The following BMPER variants were observed in gnomAD, a reference collection of about 807,000 sequenced individuals.
BMPER encodes the protein BMP-binding endothelial regulator protein.
BMPER carries 45 observed loss-of-function variants against 87.3 expected under a neutral mutation model. The ratio of observed to expected loss-of-function variants is 0.52; its 90% CI spans 0.41 to 0.66. BMPER has a LOEUF of 0.66. Among genes scored for constraint, BMPER ranks in the 30% least tolerant of loss-of-function variants. The pLI is 0.00. For synonymous variants in BMPER, 326 were observed against 316.2 expected (o/e 1.03, Z -0.33); for missense variants, 784 against 867.5 (o/e 0.90, Z 1.21).
intron 3 of BMPER, among the ~76,000 whole-genome samples, chr7:33,948,708 C>G (rs1239248060): frequency 6.6e-6 from 1 of 152,200 alleles, no homozygotes; most frequent in Non-Finnish European, 1.5e-5. Flanking sequence ...TCCTCTTTGC[C>G]TTCCGCCATG....
chr7:34,069,500 G>A (rs1788683455), intron 11 of BMPER, among the ~76,000 whole-genome samples: 1 of 152,156 alleles, frequency 6.6e-6, no homozygotes, highest in South Asian at 2.1e-4. Flanking sequence ...TCCTTACCAT[G>A]TTCCTATGAA....
chr7:33,947,015 T>C (rs889450370), intron 3 of BMPER, among the ~76,000 whole-genome samples: 4 of 152,234 alleles, frequency 2.6e-5, no homozygotes, highest in African/African-American at 7.2e-5. Flanking sequence ...TTATAACTAA[T>C]TTCTCTAAGG....
At chr7:34,091,531 G>A (rs541870739) in intron 13 of BMPER, among the ~76,000 whole-genome samples, 2 of 152,172 alleles carry the variant, frequency 1.3e-5, no homozygotes, top group Admixed American at 6.5e-5. Context: ...AGTAGACACC[G>A]CAGTTGTAGC....
At chr7:34,100,872 G>A (rs1434128217) in intron 13 of BMPER, among the ~76,000 whole-genome samples, 3 of 152,134 alleles carry the variant, frequency 2.0e-5, no homozygotes, top group African/African-American at 7.2e-5. Flanking sequence ...CACATGCTCA[G>A]ACATGTCCAC....
intron 6 of BMPER, among the ~76,000 whole-genome samples, chr7:34,028,993 G>A (rs772957753): frequency 9.2e-5 from 14 of 152,134 alleles, no homozygotes; most frequent in Non-Finnish European, 1.8e-4. Flanking sequence ...TTATGATGAA[G>A]AATATTGTCA....
chr7:34,053,159 G>C (rs1007016251), intron 8 of BMPER, among the ~76,000 whole-genome samples: 1 of 152,182 alleles, frequency 6.6e-6, no homozygotes, highest in African/African-American at 2.4e-5. Flanking sequence ...CTTGAGAGAT[G>C]ATTAGGTAAT....
At chr7:34,016,514 T>G (rs1787031155) in intron 6 of BMPER, among the ~76,000 whole-genome samples, 1 of 152,028 alleles carries the variant, frequency 6.6e-6, no homozygotes, top group Non-Finnish European at 1.5e-5. Context: ...TGGCACTTTT[T>G]CAACTCTTTA....
chr7:34,017,692 A>T (rs917541128), intron 6 of BMPER, among the ~76,000 whole-genome samples: 1 of 151,864 alleles, frequency 6.6e-6, no homozygotes, highest in African/African-American at 2.4e-5. Context: ...CACACACATT[A>T]CTGAGCCTTC....
At chr7:34,035,472 G>A (rs894284430) in intron 6 of BMPER, among the ~76,000 whole-genome samples, 4 of 152,060 alleles carry the variant, frequency 2.6e-5, no homozygotes, top group Admixed American at 1.3e-4. Context: ...TTATTTTTCC[G>A]TAGTGTGCTC....
chr7:33,956,959 G>T (rs376201521), intron 3 of BMPER, among the ~76,000 whole-genome samples: 1 of 152,124 alleles, frequency 6.6e-6, no homozygotes, highest in Non-Finnish European at 1.5e-5. Context: ...TGGCAAAGAC[G>T]TGGAAAATCT....
At chr7:33,994,784 A>G (rs1786356033) in intron 6 of BMPER, among the ~76,000 whole-genome samples, 1 of 151,998 alleles carries the variant, frequency 6.6e-6, no homozygotes, top group South Asian at 2.1e-4. Context: ...GTCCTGTCCT[A>G]CCTCTACCAT....
At chr7:33,973,205 G>A (rs1053872599) in intron 5 of BMPER, among the ~76,000 whole-genome samples, 4 of 151,008 alleles carry the variant, frequency 2.6e-5, no homozygotes, top group Non-Finnish European at 5.9e-5. Context: ...TAGTTAATCT[G>A]GCAATCCGTG....
intron 13 of BMPER, among the ~76,000 whole-genome samples, chr7:34,137,437 C>T (rs993356510): frequency 1.3e-5 from 2 of 152,236 alleles, no homozygotes; most frequent in East Asian, 3.9e-4. Flanking sequence ...AGGTTACTCT[C>T]TTTCACTCTT....
intron 6 of BMPER, among the ~76,000 whole-genome samples, chr7:34,027,480 C>T (rs757511215): frequency 3.9e-5 from 6 of 151,966 alleles, no homozygotes; most frequent in African/African-American, 7.2e-5. Context: ...CTTGAATATA[C>T]CCCATTTAAA....
At chr7:33,924,379 C>T (rs1784307694) in intron 2 of BMPER, among the ~76,000 whole-genome samples, 1 of 152,236 alleles carries the variant, frequency 6.6e-6, no homozygotes, top group African/African-American at 2.4e-5. Context: ...TCTCCTCTCA[C>T]CCGGAATCCA....
chr7:33,934,423 C>T (rs1439551080), intron 2 of BMPER, among the ~76,000 whole-genome samples: 3 of 150,274 alleles, frequency 2.0e-5, no homozygotes, highest in South Asian at 2.1e-4. Flanking sequence ...CCAATGTGAC[C>T]GTTGATAGAA....
At chr7:34,107,283 T>C (rs1789843186) in intron 13 of BMPER, among the ~76,000 whole-genome samples, 1 of 152,234 alleles carries the variant, frequency 6.6e-6, no homozygotes, top group South Asian at 2.1e-4. Context: ...GAATTGTTTT[T>C]AGCATACAGA....
intron 13 of BMPER, among the ~76,000 whole-genome samples, chr7:34,111,308 T>C (rs576823719): frequency 6.6e-6 from 1 of 152,368 alleles, no homozygotes; most frequent in East Asian, 1.9e-4. Flanking sequence ...TGCCCATCAA[T>C]GGCCCTGCAT....
At chr7:34,046,574 G>A (rs1166975322) in intron 7 of BMPER, among the ~76,000 whole-genome samples, 169 bp downstream of exon 7, 1 of 152,190 alleles carries the variant, frequency 6.6e-6, no homozygotes, top group Non-Finnish European at 1.5e-5. Flanking sequence ...TACAGGGTTT[G>A]CTTCTTAACG....
Sources: gnomAD v4.1 joint callset for allele counts (sites outside exome capture counted in the v4.1 genomes callset) on GRCh38, gnomAD v4.1.1 for gene constraint, MANE v1.5 for transcripts, NCBI Gene and HGNC (gene_info 2026-07-23, HGNC 2026-07-21) for gene names.